Variants in DLGAP1 observed in about 807,000 individuals in gnomAD.
DLGAP1 encodes the protein DLG associated protein 1.
In DLGAP1, 11 loss-of-function variants were observed where a neutral mutation model predicts 90.8. The observed-to-expected ratio is 0.12, with a 90% CI of 0.08 to 0.20. DLGAP1 has a LOEUF of 0.20. Among genes scored for constraint, DLGAP1 ranks in the 10% least tolerant of loss-of-function variants. The probability of loss-of-function intolerance (pLI) is 1.00; values close to 1 mark genes in which losing one functional copy is unlikely to be tolerated. For missense variants in DLGAP1, 1,050 were observed against 1,333.8 expected (o/e 0.79, Z 3.31); for synonymous variants, 558 against 540.7 (o/e 1.03, Z -0.44).
rs549059735 is a variant in DLGAP1 at position 3,943,242 on chromosome 18, CA to C, written c.-73+61873del. On this transcript the variant is annotated intron_variant, in intron 3 of 12. Transcript: ENST00000315677. Reference sequence around the variant, plus strand: ...CCATGGATCAAGGAGGTTAAATTGACAAATAACTGTTTTTGAAAGAAGAAAG... The same window carrying C: ...CCATGGATCAAGGAGGTTAAATTGACAATAACTGTTTTTGAAAGAAGAAAG... Among the ~76,000 whole-genome samples, 210 of 152,196 alleles carry C rather than the reference CA, an allele frequency of 1.4e-3. 1 individual carries two copies. Among genetic ancestry groups the C allele is most frequent in the Non-Finnish European group, 2.0e-3 (138 of 68,014 alleles).
chr18:4,339,185 G>A (rs900571770), intron 1 of DLGAP1, among the ~76,000 whole-genome samples: 1 of 152,132 alleles, frequency 6.6e-6, no homozygotes, highest in African/African-American at 2.4e-5. Flanking sequence ...TCATCTATAT[G>A]TACAAACTTT....
intron 4 of DLGAP1, among the ~76,000 whole-genome samples, chr18:3,817,522 T>A (rs3862173): frequency 3.3e-5 from 5 of 151,822 alleles, no homozygotes; most frequent in African/African-American, 1.2e-4. Context: ...CAGTAATCCG[T>A]TCTAGGGAAA....
intron 3 of DLGAP1, among the ~76,000 whole-genome samples, chr18:3,947,394 A>G (rs547995403): frequency 3.3e-5 from 5 of 151,992 alleles, no homozygotes; most frequent in African/African-American, 1.2e-4. Flanking sequence ...GTAGATGTCT[A>G]CCTCTCCCTG....
At chr18:3,667,658 A>C (rs1481018331) in intron 7 of DLGAP1, among the ~76,000 whole-genome samples, 2 of 152,160 alleles carry the variant, frequency 1.3e-5, no homozygotes, top group Non-Finnish European at 2.9e-5. Flanking sequence ...GTGCAAACCT[A>C]GAATTAAGTA....
intron 1 of DLGAP1, among the ~76,000 whole-genome samples, chr18:4,227,933 A>G (rs2078226053): frequency 6.6e-6 from 1 of 151,788 alleles, no homozygotes. Context: ...TAAAAAGATA[A>G]ACAAAATTGA....
At chr18:3,527,321 A>G (rs1443808040) in intron 10 of DLGAP1, among the ~76,000 whole-genome samples, 1 of 151,696 alleles carries the variant, frequency 6.6e-6, no homozygotes, top group Non-Finnish European at 1.5e-5. Flanking sequence ...TTCTTCTTCA[A>G]CTCTCTAATA....
At chr18:4,114,049 C>T (rs893624657) in intron 2 of DLGAP1, among the ~76,000 whole-genome samples, 3 of 129,578 alleles carry the variant, frequency 2.3e-5, no homozygotes, top group Non-Finnish European at 3.2e-5. Context: ...TAATGTGATG[C>T]CTCTGGCTTT....
intron 7 of DLGAP1, among the ~76,000 whole-genome samples, chr18:3,595,463 A>T (rs2056525462): frequency 6.6e-6 from 1 of 152,138 alleles, no homozygotes; most frequent in South Asian, 2.1e-4. Flanking sequence ...ATTTCAAGGG[A>T]GTATCTTGAA....
rs556451438 is a variant in DLGAP1, at chr18:3,508,535, T to C, written c.2571+35A>G. On this transcript the variant is annotated intron_variant, in intron 11 of 12. Transcript: ENST00000315677. ...TGGTGACATGTTCTTCTCATGGCAC[T>C]AGCAGGGAAATTGTAGAAGGAGAGT... is the stretch of plus-strand genomic sequence containing the variant. 29 of 1,517,702 alleles carry C rather than the reference T, an allele frequency of 1.9e-5. No homozygotes were observed. The South Asian group carries it at 3.2e-4, about 17-fold the overall frequency. 94.0% of individuals were successfully genotyped at this position (1,517,702 alleles called of 1,614,324 possible). A position where few individuals can be genotyped will look rare whatever the true frequency, so the allele number is the denominator to read the frequency against.
chr18:3,549,335 C>G (rs1376849122), intron 9 of DLGAP1, among the ~76,000 whole-genome samples: 10 of 121,538 alleles, frequency 8.2e-5, no homozygotes, highest in Admixed American at 7.6e-5. Flanking sequence ...TTCTCTCTCT[C>G]TCTTTTTTTT....
At chr18:4,270,452 T>G (rs1400329130) in intron 1 of DLGAP1, among the ~76,000 whole-genome samples, 1 of 152,210 alleles carries the variant, frequency 6.6e-6, no homozygotes, top group Non-Finnish European at 1.5e-5. Flanking sequence ...ATTTGTTACT[T>G]TAAAACTTGA....
chr18:4,368,821 AT>A (rs1208529367), intron 1 of DLGAP1, among the ~76,000 whole-genome samples: 1 of 152,196 alleles, frequency 6.6e-6, no homozygotes, highest in African/African-American at 2.4e-5. Flanking sequence ...AAATACAAAA[AT>A]TATTAAAATT....
chr18:3,777,251 G>A (rs1312213054), intron 5 of DLGAP1, among the ~76,000 whole-genome samples: 1 of 152,070 alleles, frequency 6.6e-6, no homozygotes, highest in Non-Finnish European at 1.5e-5. Context: ...GGCAGAGAGC[G>A]GGGAAAGGGT....
At chr18:4,088,474 T>C (rs561815582) in intron 2 of DLGAP1, among the ~76,000 whole-genome samples, 1 of 152,222 alleles carries the variant, frequency 6.6e-6, no homozygotes, top group African/African-American at 2.4e-5. Context: ...TTTACAAACA[T>C]ACATATCTTC....
At chr18:3,779,170 T>C (rs1426189365) in intron 5 of DLGAP1, among the ~76,000 whole-genome samples, 1 of 152,188 alleles carries the variant, frequency 6.6e-6, no homozygotes, top group African/African-American at 2.4e-5. Flanking sequence ...AGTTCTCCTG[T>C]CCTGTCTCCC....
At chr18:4,261,884 C>T (rs4797155) in intron 1 of DLGAP1, among the ~76,000 whole-genome samples, 53,556 of 152,056 alleles carry the variant, frequency 0.35, 14,465 homozygotes, top group African/African-American at 0.76. Context: ...AAAAAGTGAA[C>T]AGGAACTCAT....
intron 2 of DLGAP1, among the ~76,000 whole-genome samples, chr18:4,085,318 G>A (rs1315602148): frequency 6.6e-6 from 1 of 152,202 alleles, no homozygotes; most frequent in South Asian, 2.1e-4. Flanking sequence ...GTGATTATAT[G>A]CATTAGCATC....
chr18:3,659,446 C>T (rs954378414), intron 7 of DLGAP1, among the ~76,000 whole-genome samples: 1 of 117,122 alleles, frequency 8.5e-6, no homozygotes, highest in Non-Finnish European at 1.6e-5. Context: ...GATGCTACCA[C>T]CCCCCGCCGC....
chr18:3,745,069 C>T (rs1286159471), intron 5 of DLGAP1, among the ~76,000 whole-genome samples: 1 of 152,096 alleles, frequency 6.6e-6, no homozygotes, highest in Non-Finnish European at 1.5e-5. Flanking sequence ...CTGAAAGAAG[C>T]CTCATATTAC....
Sources: allele counts gnomAD v4.1 joint callset (sites outside exome capture counted in the v4.1 genomes callset), GRCh38; gene constraint gnomAD v4.1.1; transcripts MANE v1.5; gene names NCBI Gene and HGNC (gene_info 2026-07-23, HGNC 2026-07-21).